Variants in TXNDC16 observed in about 807,000 individuals in gnomAD.
The protein encoded by TXNDC16 is thioredoxin domain containing 16.
In TXNDC16, 74 loss-of-function variants were observed where a neutral mutation model predicts 85.6. The ratio of observed to expected loss-of-function variants is 0.86; its 90% CI spans 0.72 to 1.05. The LOEUF is 1.05. Ranked by LOEUF, TXNDC16 falls within the 50% of genes least tolerant of loss-of-function variation. TXNDC16 has a pLI of 0.00. For synonymous variants in TXNDC16, 335 were observed against 326.5 expected (o/e 1.03, Z -0.28); for missense variants, 959 against 947.0 (o/e 1.01, Z -0.17).
Position 52,470,435 on chromosome 14 carries a change from G to A in TXNDC16, c.1481+77C>T, listed in dbSNP as rs867080327. On this transcript the variant is annotated intron_variant, in intron 15 of 20. Coordinates refer to ENST00000281741, the MANE Select transcript of TXNDC16 (RefSeq NM_020784.3). ...TAGTATCTTCCTTAACCTATTTTAA[G>A]TGTTAGCAAAGTCTGAGAATTAGAA... 2.3e-5 allele frequency: 33 copies of A among 1,444,272 alleles called. No individual in the cohort carries two copies. In the Middle Eastern group the frequency reaches 2.5e-3, roughly 109 times the overall value. 89.5% of individuals were successfully genotyped at this position (1,444,272 alleles called of 1,614,324 possible).
intron 6 of TXNDC16, among the ~76,000 whole-genome samples, chr14:52,532,883 T>C (rs1225892807): frequency 2.0e-5 from 3 of 152,174 alleles, no homozygotes. Context: ...ATTTGCAAGG[T>C]ACAGCTAAGG....
Position 52,450,727 on chromosome 14 carries a change from T to C in TXNDC16, c.1842+4597A>G, listed in dbSNP as rs114833426. Reference sequence around the variant, plus strand: ...GATTCCTTAAAGAACTAAAAGTGTATCTACCATTTGATCAAGCAATCTCAC... The same window carrying C: ...GATTCCTTAAAGAACTAAAAGTGTACCTACCATTTGATCAAGCAATCTCAC... On this transcript the variant is annotated intron_variant, in intron 18 of 20. Transcript: ENST00000281741. Among the ~76,000 whole-genome samples, 491 of 152,024 alleles carry C rather than the reference T, an allele frequency of 3.2e-3. 1 individual carries two copies. The highest frequency in any genetic ancestry group is 0.011 in the African/African-American group (466 of 41,508).
chr14:52,465,505 T>C (rs1038306575), intron 16 of TXNDC16, among the ~76,000 whole-genome samples: 4 of 146,618 alleles, frequency 2.7e-5, no homozygotes, highest in Non-Finnish European at 5.9e-5. Flanking sequence ...GGCAGGAGAA[T>C]GGCGTGAACC....
chr14:52,433,120 T>G (rs1326344396), intron 20 of TXNDC16, among the ~76,000 whole-genome samples: 2 of 152,112 alleles, frequency 1.3e-5, no homozygotes, highest in African/African-American at 4.8e-5. Context: ...TAACATCTTT[T>G]CCACACACTT....
chr14:52,454,647 T>C (rs186209410), intron 18 of TXNDC16, among the ~76,000 whole-genome samples: 533 of 22,650 alleles, frequency 0.024, 8 homozygotes, highest in African/African-American at 0.083. Flanking sequence ...CTACTAAAAA[T>C]ACAAAAAAAA....
chr14:52,482,129 T>C, intron 14 of TXNDC16, 101 bp downstream of exon 14: 1 of 1,126,450 alleles, frequency 8.9e-7, no homozygotes, highest in South Asian at 1.6e-5. Context: ...ACATAGTAAC[T>C]GAAATTTTAT....
At chr14:52,433,957 C>T (rs1302523501) in intron 20 of TXNDC16, among the ~76,000 whole-genome samples, 3 of 152,032 alleles carry the variant, frequency 2.0e-5, no homozygotes, top group Non-Finnish European at 4.4e-5. Context: ...GATGGGAGGA[C>T]AGCTTGGCCC....
intron 18 of TXNDC16, among the ~76,000 whole-genome samples, chr14:52,449,673 T>C (rs1352058878): frequency 6.6e-6 from 1 of 152,148 alleles, no homozygotes; most frequent in Non-Finnish European, 1.5e-5. Flanking sequence ...TATGGATCAT[T>C]GTCAAGGATA....
At position 52,470,046 on chromosome 14, in the gene TXNDC16, T is replaced by A; in HGVS notation, c.1609A>T (p.Met537Leu). 2 of 1,607,814 alleles carry A rather than the reference T, an allele frequency of 1.2e-6. No homozygotes were observed. The highest frequency in any genetic ancestry group is 1.7e-6 in the Non-Finnish European group (2 of 1,177,876). Residue 537 changes from methionine (M) to leucine (L), a missense_variant, in exon 16 of 21, where the codon ATG becomes TTG. Physicochemically the swap from Met to Leu is conservative, Grantham distance 15. Transcript: ENST00000281741. The stretch of plus-strand genomic sequence containing the variant: ...GCTCAGCTCTGCTTACCTGTTTTCA[T>A]GGTTGGACTAAATAGTCCCAATACT... ...VSVLGLFSPT[M>L]KTAKEDFSEA...
intron 6 of TXNDC16, among the ~76,000 whole-genome samples, chr14:52,533,348 C>T (rs2037626653): frequency 6.6e-6 from 1 of 152,102 alleles, no homozygotes; most frequent in South Asian, 2.1e-4. Context: ...TTACCAAGTC[C>T]AGCTAATTTT....
chr14:52,454,719 G>C (rs970403659), intron 18 of TXNDC16, among the ~76,000 whole-genome samples: 1 of 150,128 alleles, frequency 6.7e-6, no homozygotes, highest in African/African-American at 2.5e-5. Flanking sequence ...GGGAGGCTGA[G>C]GCAGGAGAAT....
At position 52,512,006 on chromosome 14, in the gene TXNDC16, T is replaced by C. The variant is rs144923455; in HGVS notation, c.606-616A>G. ...GAGATAAGGTTTGCCAAAATTAAAA[T>C]AGCATTTTAGAAATATCCATATGGC... On this transcript the variant is annotated intron_variant, in intron 8 of 20. Coordinates refer to ENST00000281741, the MANE Select transcript of TXNDC16 (RefSeq NM_020784.3). Among the ~76,000 whole-genome samples, 777 of 152,280 alleles carry C rather than the reference T, an allele frequency of 5.1e-3. 5 individuals are homozygous for C. Among genetic ancestry groups the C allele is most frequent in the African/African-American group, 0.018 (742 of 41,558 alleles).
At chr14:52,530,438 T>A (rs561464600) in intron 6 of TXNDC16, among the ~76,000 whole-genome samples, 92 of 8,750 alleles carry the variant, frequency 0.011, 9 homozygotes, top group African/African-American at 0.046. Context: ...TAATAATATA[T>A]AATATATTAT....
At position 52,470,032 on chromosome 14, in the gene TXNDC16, C is replaced by T. The variant is rs769619230; in HGVS notation, c.1618+5G>A. Reference sequence around the variant, plus strand: ...TGTATAATTTAAAAGCTCAGCTCTGCTTACCTGTTTTCATGGTTGGACTAA... The same window carrying T: ...TGTATAATTTAAAAGCTCAGCTCTGTTTACCTGTTTTCATGGTTGGACTAA... On this transcript the variant is annotated splice_donor_5th_base_variant and intron_variant, in intron 16 of 20. Transcript: ENST00000281741. The T allele has an allele frequency of 6.2e-7, 1 of 1,603,882 alleles. No individual in the cohort carries two copies. The highest frequency in any genetic ancestry group is 2.3e-5 in the East Asian group (1 of 44,358).
Position 52,503,765 on chromosome 14 carries a change from T to C in TXNDC16, c.756+7475A>G, listed in dbSNP as rs147204416. Reference sequence around the variant, plus strand: ...GTTGAGAGAAGAAGGCTTCAGACGATCAAACTACTCCGAGCTAAAGAAGGA... The same window carrying C: ...GTTGAGAGAAGAAGGCTTCAGACGACCAAACTACTCCGAGCTAAAGAAGGA... On this transcript the variant is annotated intron_variant, in intron 9 of 20. Coordinates refer to ENST00000281741, the MANE Select transcript of TXNDC16 (RefSeq NM_020784.3). 3.6e-3 allele frequency among the ~76,000 whole-genome samples: 553 copies of C among 152,202 alleles called. 2 individuals carry two copies. Among genetic ancestry groups the C allele is most frequent in the African/African-American group, 0.013 (539 of 41,542 alleles).
intron 2 of TXNDC16, 123 bp from the exon 3 acceptor site, chr14:52,543,753 T>C: frequency 5.6e-6 from 3 of 539,504 alleles, no homozygotes; most frequent in Non-Finnish European, 9.4e-6. Context: ...TACTTTACTA[T>C]ATCATAAAAA....
chr14:52,515,405 G>C (rs943889714), intron 7 of TXNDC16, among the ~76,000 whole-genome samples: 1 of 151,478 alleles, frequency 6.6e-6, no homozygotes, highest in Non-Finnish European at 1.5e-5. Context: ...ACAAACTTGT[G>C]GTAGATTCTT....
rs1454943799 is a variant in TXNDC16 at position 52,513,632 on chromosome 14, C to A, written c.605+1248G>T. Among the ~76,000 whole-genome samples the A allele has an allele frequency of 1.0e-4, 15 of 149,186 alleles. No individual in the cohort carries two copies. In the Admixed American group the frequency reaches 1.0e-3, roughly 10 times the overall value. On this transcript the variant is annotated intron_variant, in intron 8 of 20. Transcript: ENST00000281741. The stretch of plus-strand genomic sequence containing the variant: ...AAAATACCATGCCTTAGTCTTAGAT[C>A]AGATATATACATATTCTGTGTGTGT...
At chr14:52,493,921 C>T (rs1447890559) in intron 9 of TXNDC16, among the ~76,000 whole-genome samples, 5 of 151,950 alleles carry the variant, frequency 3.3e-5, no homozygotes, top group East Asian at 1.9e-4. Flanking sequence ...GCTGGGACTA[C>T]AGGCATGCAT....
Sources: gnomAD v4.1 joint callset for allele counts (sites outside exome capture counted in the v4.1 genomes callset) on GRCh38, gnomAD v4.1.1 for gene constraint, MANE v1.5 for transcripts, NCBI Gene and HGNC (gene_info 2026-07-23, HGNC 2026-07-21) for gene names.